LCP1: variants seen among roughly 807,000 people sequenced by gnomAD.
LCP1 encodes the protein lymphocyte cytosolic protein 1, also known as plastin-2.
LCP1 carries 23 observed loss-of-function variants against 72.0 expected under a neutral mutation model. The ratio of observed to expected loss-of-function variants is 0.32; its 90% CI spans 0.23 to 0.45. The LOEUF (loss-of-function observed/expected upper bound fraction) is 0.45, where lower values mean the gene tolerates loss of function less well. Among genes scored for constraint, LCP1 ranks in the 20% least tolerant of loss-of-function variants. The pLI is 1.00. For missense variants in LCP1, 571 were observed against 748.3 expected, an observed-to-expected ratio of 0.76 and a Z score of 2.76; for synonymous variants, 245 against 275.4, an observed-to-expected ratio of 0.89 and a Z score of 1.09.
Position 46,144,472 on chromosome 13 carries a change from C to A in LCP1, c.1223G>T (p.Gly408Val). ...RTFRNWMNSLGVNPRVNHLYS... is the reference protein window; with the variant it reads ...RTFRNWMNSLVVNPRVNHLYS... The stretch of plus-strand genomic sequence containing the variant: ...CAAATGATTGACTCGAGGGTTAACA[C>A]CCAGGGAGTTCATCCAGTTCCTAAA... The change falls in exon 11 of 16, where the codon GGT becomes GTT. Residue 408 changes from glycine to valine, a missense_variant. Coordinates refer to ENST00000323076, the MANE Select transcript of LCP1 (RefSeq NM_002298.5). 1 of 1,613,816 alleles carries A rather than the reference C, an allele frequency of 6.2e-7. No individual in the cohort carries two copies. The highest frequency in any genetic ancestry group is 8.5e-7 in the Non-Finnish European group (1 of 1,179,740).
At chr13:46,145,908 C>CAAAAAAAAAA (rs527364466) in intron 10 of LCP1, among the ~76,000 whole-genome samples, 1 of 11,360 alleles carries the variant, frequency 8.8e-5, no homozygotes, top group Non-Finnish European at 1.3e-4. Context: ...GACTCCGTCT[C>CAAAAAAAAAA]AAAAAAAAAA....
chr13:46,175,958 T>A (rs2045927323), intron 1 of LCP1, among the ~76,000 whole-genome samples: 1 of 152,338 alleles, frequency 6.6e-6, no homozygotes, highest in Admixed American at 6.5e-5. Context: ...TTGTTCAAGC[T>A]GGCCTTTCTG....
chr13:46,126,161 C>A lies in LCP1; in HGVS notation c.*1430G>T. 1 of 218,584 alleles carries A rather than the reference C, an allele frequency of 4.6e-6. No homozygotes were observed. The highest frequency in any genetic ancestry group is 9.2e-6 in the Non-Finnish European group (1 of 108,600). 13.5% of individuals were successfully genotyped at this position (218,584 alleles called of 1,614,324 possible). On this transcript the variant is annotated 3_prime_UTR_variant, in exon 16 of 16. Coordinates refer to ENST00000323076, the MANE Select transcript of LCP1 (RefSeq NM_002298.5). ...CCACTGCCAAGGAACAGATCCAGAG[C>A]AATGCATTTCAATTGCTTTGAAAAA... is the stretch of plus-strand genomic sequence containing the variant.
chr13:46,155,627 T>C (rs1169185240), intron 5 of LCP1, among the ~76,000 whole-genome samples: 1 of 152,200 alleles, frequency 6.6e-6, no homozygotes, highest in Non-Finnish European at 1.5e-5. Context: ...CCTCACATAT[T>C]GAGCACCTCA....
At chr13:46,173,758 A>G (rs2045914912) in intron 1 of LCP1, among the ~76,000 whole-genome samples, 1 of 152,210 alleles carries the variant, frequency 6.6e-6, no homozygotes, top group Admixed American at 6.5e-5. Flanking sequence ...CCCAAAGCCA[A>G]CAGCATTGGT....
chr13:46,169,091 C>A (rs2045892255), intron 1 of LCP1, among the ~76,000 whole-genome samples: 1 of 152,194 alleles, frequency 6.6e-6, no homozygotes. Context: ...AAGGACATGC[C>A]TAACATCACA....
chr13:46,153,701 C>CA (rs1237525744), intron 6 of LCP1, among the ~76,000 whole-genome samples: 322 of 74,698 alleles, frequency 4.3e-3, no homozygotes, highest in South Asian at 4.9e-3. Context: ...AACTCCATCT[C>CA]AAAAAAAAAA....
chr13:46,171,558 T>C (rs1157344914), intron 1 of LCP1, among the ~76,000 whole-genome samples: 1 of 152,188 alleles, frequency 6.6e-6, no homozygotes, highest in Non-Finnish European at 1.5e-5. Flanking sequence ...AAAAGGGTCC[T>C]CTTTGCCCGT....
intron 4 of LCP1, 82 bp downstream of exon 4, chr13:46,158,440 T>C: frequency 6.6e-7 from 1 of 1,506,038 alleles, no homozygotes; most frequent in Non-Finnish European, 9.0e-7. Context: ...GCTTCTGTCT[T>C]TGTTTACATC....
intron 1 of LCP1, among the ~76,000 whole-genome samples, chr13:46,175,646 T>C (rs17647677): frequency 0.11 from 17,396 of 151,878 alleles, 1,797 homozygotes; most frequent in East Asian, 0.46. Flanking sequence ...TTCTCAGTGG[T>C]CACAGAAAAG....
intron 1 of LCP1, among the ~76,000 whole-genome samples, chr13:46,165,518 A>G (rs2045871536): frequency 6.6e-6 from 1 of 152,228 alleles, no homozygotes; most frequent in Admixed American, 6.5e-5. Context: ...GGCACCATAT[A>G]GGCAGCAAAC....
chr13:46,133,563 C>T (rs1453062082), intron 14 of LCP1, among the ~76,000 whole-genome samples: 1 of 151,928 alleles, frequency 6.6e-6, no homozygotes, highest in African/African-American at 2.4e-5. Flanking sequence ...GAGGTTGAGG[C>T]TGCAGTGAGC....
intron 1 of LCP1, among the ~76,000 whole-genome samples, chr13:46,180,157 C>G (rs1174253092): frequency 6.6e-6 from 1 of 152,140 alleles, no homozygotes; most frequent in East Asian, 1.9e-4. Flanking sequence ...GAAATCCTGG[C>G]CATCTACTGC....
chr13:46,126,297 C>T lies in LCP1; in HGVS notation c.*1294G>A. The T allele has an allele frequency of 4.4e-6, 1 of 229,200 alleles. No homozygotes were observed. The highest frequency in any genetic ancestry group is 6.3e-5 in the East Asian group (1 of 15,998). 14.2% of individuals were successfully genotyped at this position (229,200 alleles called of 1,614,324 possible). A position where few individuals can be genotyped will look rare whatever the true frequency, so the allele number is the denominator to read the frequency against. ...TTCACAATGGCCTGTTGCTTTTTAG[C>T]CTTCAGTTGGTTTAGGGGGAAATTG... On this transcript the variant is annotated 3_prime_UTR_variant, in exon 16 of 16. Coordinates refer to ENST00000323076, the MANE Select transcript of LCP1 (RefSeq NM_002298.5).
rs1193173373 is a variant in LCP1 at position 46,130,929 on chromosome 13, T to C, written c.1636A>G (p.Ile546Val). The change falls in exon 15 of 16, where the codon ATT (isoleucine) becomes GTT (valine). Residue 546 changes from isoleucine to valine, a missense_variant. Physicochemically the swap from Ile to Val is conservative, Grantham distance 29 (BLOSUM62 3). Transcript: ENST00000323076. ...SSISSFKDPK[I>V]STSLPVLDLI... is the part of the protein sequence containing the mutation. ...TCCAGAACAGGCAGACTTGTACTAA[T>C]CTTCGGGTCCTATGCAGAGACACAG... 4 of 1,605,738 alleles carry C rather than the reference T, an allele frequency of 2.5e-6. No individual in the cohort carries two copies. In the Admixed American group the frequency reaches 6.9e-5, roughly 28 times the overall value.
chr13:46,152,045 T>G (rs1045690554), intron 7 of LCP1, among the ~76,000 whole-genome samples: 1 of 152,224 alleles, frequency 6.6e-6, no homozygotes, highest in African/African-American at 2.4e-5. Flanking sequence ...CTGCATAGAT[T>G]TAAGGTGTGT....
intron 1 of LCP1, among the ~76,000 whole-genome samples, chr13:46,174,629 A>C (rs117665732): frequency 0.011 from 1,670 of 152,250 alleles, 35 homozygotes; most frequent in East Asian, 0.088. Flanking sequence ...GGATCGCCTG[A>C]GGTCAGGAGT....
chr13:46,178,779 C>A (rs886694156), intron 1 of LCP1, among the ~76,000 whole-genome samples: 4 of 152,128 alleles, frequency 2.6e-5, no homozygotes, highest in Admixed American at 2.0e-4. Flanking sequence ...GAAATAATGT[C>A]ACTCTACTAT....
chr13:46,141,379 CT>C (rs1359363981), intron 13 of LCP1, among the ~76,000 whole-genome samples: 2 of 119,772 alleles, frequency 1.7e-5, no homozygotes, highest in African/African-American at 6.6e-5. Flanking sequence ...GCACTCCAGT[CT>C]GGGCGACAGA....
Sources: allele counts gnomAD v4.1 joint callset (sites outside exome capture counted in the v4.1 genomes callset), GRCh38; gene constraint gnomAD v4.1.1; transcripts MANE v1.5; gene names NCBI Gene and HGNC (gene_info 2026-07-23, HGNC 2026-07-21).